MSI2: variants seen among roughly 807,000 people sequenced by gnomAD.
MSI2 encodes musashi RNA binding protein 2.
Under a neutral mutation model 45.6 loss-of-function variants are expected in MSI2, and 17 were observed. The observed-to-expected ratio is 0.37, with a 90% CI of 0.26 to 0.56. The LOEUF is 0.56. MSI2 is among the 20% of genes least tolerant of loss of function. The pLI is 0.77. For missense variants in MSI2, 293 were observed against 444.2 expected, an observed-to-expected ratio of 0.66 and a Z score of 3.06; for synonymous variants, 156 against 158.2, an observed-to-expected ratio of 0.99 and a Z score of 0.11.
chr17:57,288,379 G>A (rs563203803), intron 5 of MSI2, among the ~76,000 whole-genome samples: 8 of 152,164 alleles, frequency 5.3e-5, no homozygotes, highest in African/African-American at 1.2e-4. Flanking sequence ...CGAGAGGCCC[G>A]AGTGTGCTGT....
chr17:57,496,513 C>T (rs1343085081), intron 6 of MSI2, among the ~76,000 whole-genome samples: 3 of 152,220 alleles, frequency 2.0e-5, no homozygotes, highest in East Asian at 1.9e-4. Context: ...TTTTGACAAG[C>T]GAAGGAGGCA....
chr17:57,520,808 G>A (rs192218643), intron 6 of MSI2, among the ~76,000 whole-genome samples: 259 of 133,440 alleles, frequency 1.9e-3, no homozygotes, highest in Middle Eastern at 7.8e-3. Context: ...TGTGCACCAC[G>A]ACACCCAACT....
chr17:57,558,134 C>T (rs969619795), intron 7 of MSI2, among the ~76,000 whole-genome samples: 1 of 152,112 alleles, frequency 6.6e-6, no homozygotes, highest in Non-Finnish European at 1.5e-5. Flanking sequence ...TAAATAAAGG[C>T]TCTGGGGGAA....
intron 6 of MSI2, among the ~76,000 whole-genome samples, chr17:57,413,182 C>G (rs749733269): frequency 1.3e-5 from 2 of 152,228 alleles, no homozygotes; most frequent in African/African-American, 2.4e-5. Flanking sequence ...CTCTCTCTCT[C>G]TCTGTCTGTC....
Position 57,559,600 on chromosome 17 carries a change from C to T in MSI2, c.454+29876C>T, listed in dbSNP as rs1047510031. ...TGCAACACCCCTGAGAGCCACTGAC[C>T]AGGCAGGCACTGGGGTGAGGGAAAG... On this transcript the variant is annotated intron_variant, in intron 7 of 13. Transcript: ENST00000284073. Among the ~76,000 whole-genome samples, 45 of 152,226 alleles carry T rather than the reference C, an allele frequency of 3.0e-4. 1 individual carries two copies. The highest frequency in any genetic ancestry group is 1.0e-4 in the Non-Finnish European group (7 of 68,042).
chr17:57,284,158 T>C (rs1909662713), intron 5 of MSI2, among the ~76,000 whole-genome samples: 1 of 152,262 alleles, frequency 6.6e-6, no homozygotes, highest in African/African-American at 2.4e-5. Flanking sequence ...TTTCTTTTCA[T>C]CCCTGTTGAA....
At chr17:57,664,755 G>A (rs966802972) in intron 11 of MSI2, among the ~76,000 whole-genome samples, 17 of 152,190 alleles carry the variant, frequency 1.1e-4, no homozygotes, top group African/African-American at 4.1e-4. Context: ...GATTCTGTGT[G>A]GATGGTATTC....
chr17:57,503,791 C>T (rs1311057879), intron 6 of MSI2, among the ~76,000 whole-genome samples: 1 of 152,224 alleles, frequency 6.6e-6, no homozygotes, highest in Non-Finnish European at 1.5e-5. Context: ...GTTGTCCAGG[C>T]TGGAGTGCAG....
chr17:57,379,274 T>C (rs2083556147), intron 5 of MSI2, among the ~76,000 whole-genome samples: 1 of 152,014 alleles, frequency 6.6e-6, no homozygotes, highest in Non-Finnish European at 1.5e-5. Context: ...TACTACTCGA[T>C]CTACTTTCCC....
chr17:57,573,670 T>C (rs1237954203), intron 7 of MSI2, among the ~76,000 whole-genome samples: 1 of 152,226 alleles, frequency 6.6e-6, no homozygotes, highest in African/African-American at 2.4e-5. Context: ...ATATGGCAGC[T>C]TATCCAGGGC....
intron 6 of MSI2, among the ~76,000 whole-genome samples, chr17:57,528,298 T>G (rs1364302370): frequency 1.3e-5 from 2 of 151,958 alleles, no homozygotes; most frequent in African/African-American, 4.8e-5. Context: ...ATAAAAGGAG[T>G]GCATTCCAGA....
intron 6 of MSI2, among the ~76,000 whole-genome samples, chr17:57,473,829 G>C (rs1211096527): frequency 6.6e-6 from 1 of 152,222 alleles, no homozygotes; most frequent in Non-Finnish European, 1.5e-5. Flanking sequence ...AAAGTTTGCA[G>C]GGGAAGGTGG....
intron 5 of MSI2, among the ~76,000 whole-genome samples, chr17:57,327,446 G>A (rs1174488938): frequency 6.6e-6 from 1 of 152,194 alleles, no homozygotes; most frequent in Admixed American, 6.5e-5. Context: ...GTGGCTTTCA[G>A]CCCAGAATTG....
intron 6 of MSI2, among the ~76,000 whole-genome samples, chr17:57,417,877 T>C (rs1050810081): frequency 6.6e-6 from 1 of 152,232 alleles, no homozygotes; most frequent in Non-Finnish European, 1.5e-5. Flanking sequence ...GTATTGATTC[T>C]AGATGCCTTT....
chr17:57,614,528 T>C (rs1907489062), intron 8 of MSI2, among the ~76,000 whole-genome samples: 1 of 152,216 alleles, frequency 6.6e-6, no homozygotes, highest in Non-Finnish European at 1.5e-5. Flanking sequence ...TTAAATAAGA[T>C]ACCTGTTTCT....
intron 9 of MSI2, among the ~76,000 whole-genome samples, chr17:57,621,113 C>A (rs1173300413): frequency 6.6e-6 from 1 of 152,204 alleles, no homozygotes; most frequent in African/African-American, 2.4e-5. Context: ...TGCTTCTTCC[C>A]TCGAAAGTGG....
intron 5 of MSI2, among the ~76,000 whole-genome samples, chr17:57,304,116 TG>T (rs1233447701): frequency 6.6e-6 from 1 of 152,124 alleles, no homozygotes; most frequent in East Asian, 1.9e-4. Flanking sequence ...CCCAGCACTT[TG>T]GGAGGCCGAG....
chr17:57,295,813 G>T (rs1448328542), intron 5 of MSI2, among the ~76,000 whole-genome samples: 2 of 152,100 alleles, frequency 1.3e-5, no homozygotes, highest in African/African-American at 4.8e-5. Context: ...TTTCCTCAGC[G>T]AAAAGAAGGG....
At chr17:57,517,513 T>C (rs751314474) in intron 6 of MSI2, among the ~76,000 whole-genome samples, 1 of 152,198 alleles carries the variant, frequency 6.6e-6, no homozygotes, top group Non-Finnish European at 1.5e-5. Context: ...CTCCAAGCTT[T>C]TGAAGCTCCA....
Sources: allele counts gnomAD v4.1 joint callset (sites outside exome capture counted in the v4.1 genomes callset), GRCh38; gene constraint gnomAD v4.1.1; transcripts MANE v1.5; gene names NCBI Gene and HGNC (gene_info 2026-07-23, HGNC 2026-07-21).